TMCC3: variants seen among roughly 807,000 people sequenced by gnomAD.
TMCC3 encodes transmembrane and coiled-coil domain protein 3.
In TMCC3, 28 loss-of-function variants were observed where a neutral mutation model predicts 40.2. The observed-to-expected ratio is 0.70, with a 90% CI of 0.52 to 0.95. The LOEUF (loss-of-function observed/expected upper bound fraction) is 0.95. Ranked by LOEUF, TMCC3 falls within the 40% of genes least tolerant of loss-of-function variation. The pLI, the probability that TMCC3 is intolerant of heterozygous loss-of-function variation, is 0.00. For missense variants in TMCC3, 554 were observed against 615.2 expected (o/e 0.90, Z 1.05); for synonymous variants, 255 against 248.5 (o/e 1.03, Z -0.25).
At chr12:94,602,108 T>A (rs2068756725) in intron 1 of TMCC3, among the ~76,000 whole-genome samples, 1 of 152,232 alleles carries the variant, frequency 6.6e-6, no homozygotes, top group Non-Finnish European at 1.5e-5. Context: ...TTGTTAATCA[T>A]ACTTAAGGAA....
rs2068518194 is a variant in TMCC3, at chr12:94,570,122, T to G, written c.*1313A>C. 6.6e-6 allele frequency: 1 copy of G among 152,212 alleles called. No homozygotes were observed. The highest frequency in any genetic ancestry group is 2.4e-5 in the African/African-American group (1 of 41,450). The allele number at this position is 152,212 out of a possible 1,614,324, so 9.4% of individuals were successfully genotyped here. On this transcript the variant is annotated 3_prime_UTR_variant, in exon 4 of 4. Coordinates refer to ENST00000261226, the MANE Select transcript of TMCC3 (RefSeq NM_020698.4). ...AGATGTTAAGAGACAGGTGGCAACCTTGGCTCAAACACTGGACTTAATTTA... is the reference window on the plus strand; with the variant it reads ...AGATGTTAAGAGACAGGTGGCAACCGTGGCTCAAACACTGGACTTAATTTA...
chr12:94,640,463 C>T (rs928304111), intron 1 of TMCC3, among the ~76,000 whole-genome samples: 18 of 152,294 alleles, frequency 1.2e-4, no homozygotes, highest in African/African-American at 4.1e-4. Context: ...GGAATACAGG[C>T]GTGAGCCACC....
At chr12:94,647,966 A>G (rs770935183) in intron 1 of TMCC3, among the ~76,000 whole-genome samples, 1 of 152,226 alleles carries the variant, frequency 6.6e-6, no homozygotes, top group African/African-American at 2.4e-5. Flanking sequence ...AAAAGCAGAT[A>G]GCTGAGAAGT....
intron 1 of TMCC3, among the ~76,000 whole-genome samples, chr12:94,591,840 C>A (rs1279933456): frequency 6.6e-6 from 1 of 152,220 alleles, no homozygotes; most frequent in Non-Finnish European, 1.5e-5. Flanking sequence ...ACTTGACATG[C>A]ACTTGCAAAA....
At position 94,575,997 on chromosome 12, in the gene TMCC3, T is replaced by TG. The variant is rs2068562554; in HGVS notation, c.1131+2396dup. 2.0e-5 allele frequency among the ~76,000 whole-genome samples: 3 copies of TG among 152,236 alleles called. No homozygotes were observed. The South Asian group carries it at 6.2e-4, about 32-fold the overall frequency. On this transcript the variant is annotated intron_variant, in intron 3 of 3. Transcript: ENST00000261226. ...CTAATTATGTTGGCCAGGATGGTCT[T>TG]GAACTCCTGGCTTCAGATGATCCTT... is the stretch of plus-strand genomic sequence containing the variant.
In TMCC3 at chr12:94,581,938, A is replaced by C; in HGVS notation, c.679T>G (p.Leu227Val). The change falls in exon 2 of 4, where the codon TTA becomes GTA. Residue 227 changes from leucine to valine, a missense_variant. Transcript: ENST00000261226. ...CTCGCCTCTGGCCTAAACTCCTCTA[A>C]GGAATTTTTCAAGTGAGCAATGTTG... is the stretch of plus-strand genomic sequence containing the variant. ...ADNIAHLKNS[L>V]EEFRPEASAR... 6.2e-7 allele frequency: 1 copy of C among 1,614,238 alleles called. No individual in the cohort carries two copies. The highest frequency in any genetic ancestry group is 8.5e-7 in the Non-Finnish European group (1 of 1,180,040).
chr12:94,581,114 T>A (rs2068598276), intron 2 of TMCC3, among the ~76,000 whole-genome samples: 1 of 152,192 alleles, frequency 6.6e-6, no homozygotes, highest in East Asian at 1.9e-4. Flanking sequence ...TTTGGAATAT[T>A]TGCATATATA....
chr12:94,605,475 T>C (rs1397258431), intron 1 of TMCC3, among the ~76,000 whole-genome samples: 5 of 152,192 alleles, frequency 3.3e-5, no homozygotes, highest in Non-Finnish European at 5.9e-5. Flanking sequence ...TAAGCGTCTA[T>C]CTGGGATGCT....
intron 1 of TMCC3, among the ~76,000 whole-genome samples, chr12:94,621,754 C>T (rs1261227696): frequency 6.6e-6 from 1 of 152,060 alleles, no homozygotes; most frequent in Non-Finnish European, 1.5e-5. Flanking sequence ...CTAATTCTTC[C>T]CTCTTAGACC....
intron 1 of TMCC3, among the ~76,000 whole-genome samples, chr12:94,583,110 A>G (rs1256433628): frequency 6.6e-6 from 1 of 151,418 alleles, no homozygotes; most frequent in Non-Finnish European, 1.5e-5. Flanking sequence ...AATATGGTAC[A>G]AGATTAACTT....
chr12:94,633,886 T>C (rs7304910), intron 1 of TMCC3, among the ~76,000 whole-genome samples: 13,984 of 152,204 alleles, frequency 0.092, 752 homozygotes, highest in South Asian at 0.16. Context: ...ACATAATCTT[T>C]GTATTCAGAT....
At chr12:94,600,706 C>G (rs911929544) in intron 1 of TMCC3, among the ~76,000 whole-genome samples, 30 of 152,180 alleles carry the variant, frequency 2.0e-4, no homozygotes, top group African/African-American at 7.0e-4. Flanking sequence ...TCTGTCATAT[C>G]CAAATCCTAC....
chr12:94,609,105 G>A (rs745766219), intron 1 of TMCC3, among the ~76,000 whole-genome samples: 3 of 152,028 alleles, frequency 2.0e-5, no homozygotes, highest in Non-Finnish European at 4.4e-5. Context: ...GCATGCACCT[G>A]TAGTCTCAGC....
At position 94,581,902 on chromosome 12, in the gene TMCC3, A is replaced by C; in HGVS notation, c.715T>G (p.Tyr239Asp). 1 of 1,614,246 alleles carries C rather than the reference A, an allele frequency of 6.2e-7. No homozygotes were observed. The highest frequency in any genetic ancestry group is 8.5e-7 in the Non-Finnish European group (1 of 1,180,044). ...EFRPEASARA[Y>D]GGSATIVNKP... ...TTCACGATGGTAGCGCTGCCCCCGT[A>C]GGCCCTGGCACTCGCCTCTGGCCTA... The change falls in exon 2 of 4, where the codon TAC (tyrosine) becomes GAC (aspartate). Residue 239 changes from tyrosine to aspartate, a missense_variant. Transcript: ENST00000261226.
chr12:94,574,706 G>A (rs1310316484), intron 3 of TMCC3, among the ~76,000 whole-genome samples: 3 of 152,186 alleles, frequency 2.0e-5, no homozygotes, highest in Non-Finnish European at 4.4e-5. Context: ...TCTAGAAAGT[G>A]CTGGCTTTCA....
chr12:94,604,192 C>T (rs1161168797), intron 1 of TMCC3, among the ~76,000 whole-genome samples: 1 of 152,156 alleles, frequency 6.6e-6, no homozygotes, highest in Admixed American at 6.5e-5. Context: ...CATGTTGATC[C>T]AGATTGCTAA....
intron 1 of TMCC3, among the ~76,000 whole-genome samples, chr12:94,611,305 A>T (rs749966547): frequency 6.6e-6 from 1 of 152,214 alleles, no homozygotes; most frequent in Non-Finnish European, 1.5e-5. Context: ...GCCAAGTCAT[A>T]AATATAAGTT....
chr12:94,597,153 ATATATG>A (rs1217543306), intron 1 of TMCC3, among the ~76,000 whole-genome samples: 413 of 18,282 alleles, frequency 0.023, 7 homozygotes, highest in African/African-American at 0.051. Flanking sequence ...ATATATATAT[ATATATG>A]TATATAAATT....
At position 94,571,713 on chromosome 12, in the gene TMCC3, G is replaced by A. The variant is rs1407715240; in HGVS notation, c.1156C>T (p.Arg386Cys). The change falls in exon 4 of 4, where the codon CGC becomes TGC. Residue 386 changes from arginine to cysteine, a missense_variant. By Grantham distance (180) the Arg-to-Cys change is radical. Transcript: ENST00000261226. Reference sequence around the variant, plus strand: ...TGGTGGAGCTCCAGCTTAGAAATGCGAGTCTGGCAGGATTCCAAGGCTTCC... The same window carrying A: ...TGGTGGAGCTCCAGCTTAGAAATGCAAGTCTGGCAGGATTCCAAGGCTTCC... ...IQEALESCQTRISKLELHQQE... is the reference protein window; with the variant it reads ...IQEALESCQTCISKLELHQQE... 7 of 1,614,018 alleles carry A rather than the reference G, an allele frequency of 4.3e-6. No individual in the cohort carries two copies. The highest frequency in any genetic ancestry group is 1.7e-4 in the Middle Eastern group (1 of 6,058).
Sources: allele counts gnomAD v4.1 joint callset (sites outside exome capture counted in the v4.1 genomes callset), GRCh38; gene constraint gnomAD v4.1.1; transcripts MANE v1.5; gene names NCBI Gene and HGNC (gene_info 2026-07-23, HGNC 2026-07-21).